UBE2QL1: variants seen among roughly 807,000 people sequenced by gnomAD.
UBE2QL1 encodes the protein ubiquitin conjugating enzyme E2 QL1, also known as ubiquitin-conjugating enzyme E2Q-like protein 1.
Under a neutral mutation model 12.6 loss-of-function variants are expected in UBE2QL1, and 5 were observed. The ratio of observed to expected loss-of-function variants is 0.40; its 90% confidence interval spans 0.21 to 0.83. The LOEUF (loss-of-function observed/expected upper bound fraction) is 0.83. UBE2QL1 is among the 40% of genes least tolerant of loss of function. UBE2QL1 has a pLI of 0.37. For synonymous variants in UBE2QL1, 96 were observed against 94.5 expected (o/e 1.02, Z -0.10); for missense variants, 99 against 222.6 (o/e 0.44, Z 3.53).
rs192152959 is a variant in UBE2QL1 at position 6,482,120 on chromosome 5, G to A, written c.355-9098G>A. Among the ~76,000 whole-genome samples, 383 of 152,296 alleles carry A rather than the reference G, an allele frequency of 2.5e-3. 1 individual carries two copies. Among genetic ancestry groups the A allele is most frequent in the East Asian group, 0.011 (59 of 5,172 alleles). ...CAGAGACAGATTCACAGAGAACACC[G>A]TATGGCAATGGAGGCAGAGATTAGA... On this transcript the variant is annotated intron_variant, in intron 1 of 1. Transcript: ENST00000399816.
chr5:6,464,426 T>C (rs765626567), intron 1 of UBE2QL1, among the ~76,000 whole-genome samples: 3 of 152,224 alleles, frequency 2.0e-5, no homozygotes, highest in Non-Finnish European at 4.4e-5. Flanking sequence ...TCCCATAGAA[T>C]CATAGCACAT....
chr5:6,483,501 T>A lies in UBE2QL1; in HGVS notation c.355-7717T>A, dbSNP rs1579301067. 2.6e-5 allele frequency among the ~76,000 whole-genome samples: 4 copies of A among 151,272 alleles called. No individual in the cohort carries two copies. In the South Asian group the frequency reaches 8.3e-4, roughly 32 times the overall value. ...TGATGCACGGCAGGTGTGTTTGGAG[T>A]GAAGGATCGTGTTCCCTGCATGTCA... On this transcript the variant is annotated intron_variant, in intron 1 of 1. Transcript: ENST00000399816.
chr5:6,488,234 T>C (rs1190130645), intron 1 of UBE2QL1, among the ~76,000 whole-genome samples: 1 of 151,934 alleles, frequency 6.6e-6, no homozygotes, highest in Non-Finnish European at 1.5e-5. Context: ...CAACAAAGAG[T>C]GGTCTGTTCC....
intron 1 of UBE2QL1, among the ~76,000 whole-genome samples, chr5:6,466,533 C>G (rs895053713): frequency 2.6e-5 from 4 of 152,236 alleles, no homozygotes; most frequent in African/African-American, 7.2e-5. Context: ...GCCTGCCGGA[C>G]CAGCCCAGCC....
intron 1 of UBE2QL1, among the ~76,000 whole-genome samples, chr5:6,485,577 C>T (rs926069813): frequency 6.6e-6 from 1 of 152,198 alleles, no homozygotes; most frequent in Non-Finnish European, 1.5e-5. Flanking sequence ...CAACCCATGT[C>T]AGGGAGCTTA....
At chr5:6,456,054 C>A (rs1331439719) in intron 1 of UBE2QL1, among the ~76,000 whole-genome samples, 4 of 152,162 alleles carry the variant, frequency 2.6e-5, no homozygotes, top group Non-Finnish European at 4.4e-5. Flanking sequence ...CCGTGGCTGA[C>A]AAATTAATAC....
Position 6,476,016 on chromosome 5 carries a change from A to T in UBE2QL1, c.355-15202A>T, listed in dbSNP as rs1326373240. ...CACTTATTTTTTAAAGTATATTAGGATAACTTGTGATAAGTTCATCACACC... is the reference window on the plus strand; with the variant it reads ...CACTTATTTTTTAAAGTATATTAGGTTAACTTGTGATAAGTTCATCACACC... On this transcript the variant is annotated intron_variant, in intron 1 of 1. Coordinates refer to ENST00000399816, the MANE Select transcript of UBE2QL1 (RefSeq NM_001145161.3). This position sits in a 1 kb window ranked among gnomAD's most constrained non-coding sequence, Gnocchi z 4.9. Among the ~76,000 whole-genome samples, 1 of 152,202 alleles carries T rather than the reference A, an allele frequency of 6.6e-6. No homozygotes were observed. The highest frequency in any genetic ancestry group is 1.5e-5 in the Non-Finnish European group (1 of 68,032).
chr5:6,489,718 C>T (rs1398869345), intron 1 of UBE2QL1, among the ~76,000 whole-genome samples: 1 of 152,240 alleles, frequency 6.6e-6, no homozygotes, highest in Non-Finnish European at 1.5e-5. Flanking sequence ...ATTGCAGCTG[C>T]CTTCCCACTG....
intron 1 of UBE2QL1, among the ~76,000 whole-genome samples, chr5:6,483,462 G>T (rs1405819605): frequency 1.3e-5 from 2 of 148,520 alleles, no homozygotes; most frequent in African/African-American, 5.2e-5. Context: ...AAAAAAATGA[G>T]GAGCCCACAG....
At chr5:6,464,810 C>T (rs1560930429) in intron 1 of UBE2QL1, among the ~76,000 whole-genome samples, 4 of 152,230 alleles carry the variant, frequency 2.6e-5, no homozygotes, top group East Asian at 1.9e-4. Context: ...ATTTCTGCTC[C>T]GGGTATTTTA....
chr5:6,462,146 G>A (rs530500568), intron 1 of UBE2QL1, among the ~76,000 whole-genome samples: 1 of 152,266 alleles, frequency 6.6e-6, no homozygotes, highest in African/African-American at 2.4e-5. Flanking sequence ...CTTCAGAACT[G>A]GGTCTTGGTC....
At chr5:6,467,308 AACGACAGAAATGCATTCTCTCGCAG>A (rs1739818170) in intron 1 of UBE2QL1, among the ~76,000 whole-genome samples, 1 of 152,096 alleles carries the variant, frequency 6.6e-6, no homozygotes, top group Non-Finnish European at 1.5e-5. Context: ...TGGGGGCTTC[AACGACAGAAATGCATTCTCTCGCAG>A]ACTTCCTGGA....
At chr5:6,463,214 A>G (rs1739711287) in intron 1 of UBE2QL1, among the ~76,000 whole-genome samples, 1 of 152,142 alleles carries the variant, frequency 6.6e-6, no homozygotes, top group Non-Finnish European at 1.5e-5. Context: ...AAATATTTCA[A>G]ATTGTGCTAG....
intron 1 of UBE2QL1, among the ~76,000 whole-genome samples, chr5:6,471,661 C>A (rs1019404659): frequency 1.2e-4 from 18 of 152,198 alleles, no homozygotes; most frequent in African/African-American, 3.6e-4. Flanking sequence ...GCAATAGAAG[C>A]AAGCTCAGGT....
intron 1 of UBE2QL1, among the ~76,000 whole-genome samples, chr5:6,450,864 A>T (rs759675132): frequency 1.3e-5 from 2 of 152,260 alleles, no homozygotes; most frequent in Middle Eastern, 6.8e-3. Context: ...TTAATATCAG[A>T]GGTTTATTTT....
chr5:6,484,399 T>A (rs1734424729), intron 1 of UBE2QL1, among the ~76,000 whole-genome samples: 1 of 152,116 alleles, frequency 6.6e-6, no homozygotes. Flanking sequence ...TTGCCCCTCA[T>A]GGCACCCTCA....
chr5:6,485,882 C>CT (rs1271450180), intron 1 of UBE2QL1, among the ~76,000 whole-genome samples: 1 of 152,116 alleles, frequency 6.6e-6, no homozygotes, highest in Non-Finnish European at 1.5e-5. Context: ...ATTCAAAAGG[C>CT]TAAGAAATTA....
intron 1 of UBE2QL1, among the ~76,000 whole-genome samples, chr5:6,475,374 A>G (rs566976477): frequency 6.6e-6 from 1 of 152,272 alleles, no homozygotes; most frequent in Non-Finnish European, 1.5e-5. Context: ...TTTTACGATA[A>G]TAGAACACGG....
At position 6,494,524 on chromosome 5, in the gene UBE2QL1, C is replaced by A. The variant is rs952739831; in HGVS notation, c.*3175C>A. 6.6e-6 allele frequency: 1 copy of A among 152,200 alleles called. No homozygotes were observed. Among genetic ancestry groups the A allele is most frequent in the African/African-American group, 2.4e-5 (1 of 41,460 alleles). The allele number at this position is 152,200 out of a possible 1,614,324, so 9.4% of individuals were successfully genotyped here. A position where few individuals can be genotyped will look rare whatever the true frequency, so the allele number is the denominator to read the frequency against. The stretch of plus-strand genomic sequence containing the variant: ...AACCCTGGCCAGTCACTCCACCTGC[C>A]TGAGCCTTGGTTTCCTCAGCTGTGA... On this transcript the variant is annotated 3_prime_UTR_variant, in exon 2 of 2. Transcript: ENST00000399816.
Sources: gnomAD v4.1 joint callset for allele counts (sites outside exome capture counted in the v4.1 genomes callset) on GRCh38, gnomAD v4.1.1 for gene constraint, Gnocchi (gnomAD v3.1) non-coding constraint, MANE v1.5 for transcripts, NCBI Gene and HGNC (gene_info 2026-07-23, HGNC 2026-07-21) for gene names.